Variants in DPEP1 observed in about 807,000 individuals in gnomAD.
DPEP1 encodes dipeptidase 1, also known as beta-lactamase.
A neutral mutation model predicts 42.3 loss-of-function variants in DPEP1; 50 were observed. The ratio of observed to expected loss-of-function variants is 1.18; its 90% CI spans 0.94 to 1.50. The LOEUF (loss-of-function observed/expected upper bound fraction) is 1.50, where lower values mean the gene tolerates loss of function less well. DPEP1 is among the 40% of genes most tolerant of loss of function. DPEP1 has a pLI of 0.00. For missense variants in DPEP1, 663 were observed against 553.0 expected (o/e 1.20, Z -1.99); for synonymous variants, 297 against 234.0 (o/e 1.27, Z -2.46).
Position 89,637,318 on chromosome 16 carries a change from T to C in DPEP1, c.706T>C (p.Ser236Pro). Residue 236 changes from serine (S) to proline (P), a missense_variant, in exon 7 of 11, where the codon TCC (serine) becomes CCC (proline). Transcript: ENST00000690203. ...LSRAPVIFSH[S>P]SAYSVCASRR... is the part of the protein sequence containing the mutation. ...CAGAGCCCCGGTCATCTTCAGCCACTCCTCGGCCTACAGCGTGTGCGCAAG... is the reference window on the plus strand; with the variant it reads ...CAGAGCCCCGGTCATCTTCAGCCACCCCTCGGCCTACAGCGTGTGCGCAAG... 1 of 1,612,582 alleles carries C rather than the reference T, an allele frequency of 6.2e-7. No individual in the cohort carries two copies. Among genetic ancestry groups the C allele is most frequent in the South Asian group, 1.1e-5 (1 of 91,088 alleles).
chr16:89,634,955 TCC>T (rs2059649954), intron 2 of DPEP1, among the ~76,000 whole-genome samples: 1 of 21,696 alleles, frequency 4.6e-5, no homozygotes, highest in Admixed American at 4.2e-4. Flanking sequence ...CCCTTCCTTC[TCC>T]TTTCCCTTCC....
downstream of DPEP1, among the ~76,000 whole-genome samples, chr16:89,639,079 C>A (rs2059722272): frequency 1.4e-5 from 1 of 73,156 alleles, no homozygotes; most frequent in African/African-American, 6.2e-5. Context: ...CACACACACA[C>A]CCCATTCCTG....
chr16:89,636,046 G>A lies in DPEP1; in HGVS notation c.237+6G>A, dbSNP rs199962042. 42 of 1,601,944 alleles carry A rather than the reference G, an allele frequency of 2.6e-5. No homozygotes were observed. The highest frequency in any genetic ancestry group is 2.1e-4 in the African/African-American group (16 of 74,888). On this transcript the variant is annotated splice_donor_region_variant and intron_variant, in intron 3 of 10. Transcript: ENST00000690203. ...CCGGCTTTGTGGGAGGCCAGGTACC[G>A]CCTGCCCTGCCTTGTGCTTGCCCTG...
At chr16:89,618,948 GCTC>G (rs1567979903) in intron 1 of DPEP1, among the ~76,000 whole-genome samples, 19 of 11,644 alleles carry the variant, frequency 1.6e-3, no homozygotes, top group Middle Eastern at 0.042. Context: ...CTGCCCCCCT[GCTC>G]CCCTCCCTGC....
At chr16:89,616,524 G>A (rs938681414) in intron 1 of DPEP1, among the ~76,000 whole-genome samples, 2 of 152,204 alleles carry the variant, frequency 1.3e-5, no homozygotes, top group Non-Finnish European at 2.9e-5. Context: ...GGCCGACCTC[G>A]AGGACAGGGC....
Position 89,638,403 on chromosome 16 carries a change from A to G in DPEP1, c.*181A>G. 1 of 1,360,732 alleles carries G rather than the reference A, an allele frequency of 7.3e-7. No individual in the cohort carries two copies. The highest frequency in any genetic ancestry group is 9.4e-7 in the Non-Finnish European group (1 of 1,062,664). 84.3% of individuals were successfully genotyped at this position (1,360,732 alleles called of 1,614,324 possible). On this transcript the variant is annotated 3_prime_UTR_variant, in exon 11 of 11. Coordinates refer to ENST00000690203, the MANE Select transcript of DPEP1 (RefSeq NM_001389466.1). ...GGACAGTTCAGGACACACACACAGTAGGCCCGCAATAAAAGCAACACCCCT... is the reference window on the plus strand; with the variant it reads ...GGACAGTTCAGGACACACACACAGTGGGCCCGCAATAAAAGCAACACCCCT...
rs543904292 is a variant in DPEP1 at position 89,631,736 on chromosome 16, A to G, written c.104+1222A>G. The stretch of plus-strand genomic sequence containing the variant: ...GCCAGGCATGGTGGCGCATGCCTGT[A>G]GTCCCAGATACTCAGGAGGCTGAGG... On this transcript the variant is annotated intron_variant, in intron 2 of 10. Coordinates refer to ENST00000690203, the MANE Select transcript of DPEP1 (RefSeq NM_001389466.1). 9.2e-5 allele frequency among the ~76,000 whole-genome samples: 14 copies of G among 152,316 alleles called. No individual in the cohort carries two copies. The South Asian group carries it at 2.7e-3, about 29-fold the overall frequency.
At chr16:89,638,957 A>C (rs1291304181), downstream of DPEP1, among the ~76,000 whole-genome samples, 2 of 60,640 alleles carry the variant, frequency 3.3e-5, no homozygotes, top group Non-Finnish European at 6.0e-5. Context: ...CCCTGCACAC[A>C]CACACACCGC....
At chr16:89,640,685 C>T (rs2052867), downstream of DPEP1, 113,986 of 971,054 alleles carry the variant, frequency 0.12, 7,175 homozygotes, top group South Asian at 0.15. Context: ...ATTGGAGACT[C>T]GGGGGGTCCC....
chr16:89,635,854 C>T, intron 2 of DPEP1, 54 bp from the exon 3 acceptor site: 2 of 1,544,644 alleles, frequency 1.3e-6, no homozygotes, highest in Non-Finnish European at 8.7e-7. Context: ...GCTCGGAAGC[C>T]CCCAGGTCCC....
chr16:89,641,224 G>T (rs1018401976), downstream of DPEP1, among the ~76,000 whole-genome samples: 12 of 152,192 alleles, frequency 7.9e-5, no homozygotes, highest in East Asian at 5.8e-4. Context: ...GGGCTGCGGG[G>T]GGGGGTTGAC....
chr16:89,629,010 A>G (rs1025246664), intron 1 of DPEP1, among the ~76,000 whole-genome samples: 1 of 151,978 alleles, frequency 6.6e-6, no homozygotes, highest in African/African-American at 2.4e-5. Context: ...TCTTTTTAAT[A>G]CAGAGAGGGT....
rs1309691077 is a variant in DPEP1, at chr16:89,636,932, G to A, written c.588G>A (p.Gly196=). The change falls in exon 6 of 11, where the codon GGG becomes GGA. Residue 196 remains glycine (G), a synonymous_variant. Transcript: ENST00000690203. ...AGAGCCAAGGCTTGTCACCCTTTGG[G>A]CAGGTGAGTGGGGTGGGAGCGGCCA... The part of the protein sequence containing the change: ...EPQSQGLSPF[G]QRVVKELNRL... The A allele has an allele frequency of 2.5e-6, 4 of 1,612,250 alleles. No individual in the cohort carries two copies. The African/African-American group carries it at 5.3e-5, about 22-fold the overall frequency.
At position 89,636,254 on chromosome 16, in the gene DPEP1, C is replaced by T. The variant is rs372806472; in HGVS notation, c.238-10C>T. On this transcript the variant is annotated splice_polypyrimidine_tract_variant and intron_variant, in intron 3 of 10. Coordinates refer to ENST00000690203, the MANE Select transcript of DPEP1 (RefSeq NM_001389466.1). ...CTGCATCAGCTCCTGGCACCCCCTG[C>T]GGCCCACAGTTCTGGTCCGTGTACA... is the stretch of plus-strand genomic sequence containing the variant. The T allele has an allele frequency of 5.7e-5, 91 of 1,602,636 alleles. No homozygotes were observed. The highest frequency in any genetic ancestry group is 2.2e-4 in the East Asian group (10 of 44,534).
intron 1 of DPEP1, among the ~76,000 whole-genome samples, chr16:89,615,247 C>T (rs921928277): frequency 2.0e-5 from 3 of 152,198 alleles, no homozygotes; most frequent in Non-Finnish European, 4.4e-5. Flanking sequence ...CTGCGGTGGA[C>T]GGACACTGAG....
chr16:89,614,761 C>A (rs913680323), intron 1 of DPEP1, among the ~76,000 whole-genome samples: 6 of 152,196 alleles, frequency 3.9e-5, no homozygotes, highest in African/African-American at 1.4e-4. Context: ...TGCCACTGCA[C>A]TCCAGCCTGA....
At chr16:89,618,321 A>T (rs1312216859) in intron 1 of DPEP1, among the ~76,000 whole-genome samples, 1 of 152,172 alleles carries the variant, frequency 6.6e-6, no homozygotes, top group Non-Finnish European at 1.5e-5. Flanking sequence ...GACTCAAGCC[A>T]TCTTCCTGCC....
chr16:89,640,914 G>T (rs760024566), downstream of DPEP1, among the ~76,000 whole-genome samples: 2 of 152,162 alleles, frequency 1.3e-5, no homozygotes, highest in Non-Finnish European at 2.9e-5. Context: ...TTATTTATTG[G>T]ATACGAGGCA....
In DPEP1 at chr16:89,638,237, GAGTCCCCTTTAGGGTTCCCGGA is replaced by G. The variant is rs547038389; in HGVS notation, c.*16_*37del. ...CTCTCCTGTGAAACCTGGGAGACCA[GAGTCCCCTTTAGGGTTCCCGGA>G]GCTCCGGGAAGACCCGCCCATCCCA... On this transcript the variant is annotated 3_prime_UTR_variant, in exon 11 of 11. Coordinates refer to ENST00000690203, the MANE Select transcript of DPEP1 (RefSeq NM_001389466.1). 6,180 of 1,537,512 alleles carry G rather than the reference GAGTCCCCTTTAGGGTTCCCGGA, an allele frequency of 4.0e-3. 25 individuals carry two copies. Among genetic ancestry groups the G allele is most frequent in the Non-Finnish European group, 4.6e-3 (5,281 of 1,142,590 alleles).
Sources: allele counts gnomAD v4.1 joint callset (sites outside exome capture counted in the v4.1 genomes callset), GRCh38; gene constraint gnomAD v4.1.1; transcripts MANE v1.5; gene names NCBI Gene and HGNC (gene_info 2026-07-23, HGNC 2026-07-21).